EXT1: variants seen among roughly 807,000 people sequenced by gnomAD.
EXT1 encodes exostosin glycosyltransferase 1.
In EXT1, 20 loss-of-function variants were observed where a neutral mutation model predicts 82.5. The ratio of observed to expected loss-of-function variants is 0.24; its 90% CI spans 0.17 to 0.35. The LOEUF is 0.35. Among genes scored for constraint, EXT1 ranks in the 10% least tolerant of loss-of-function variants. EXT1 has a pLI of 1.00. For synonymous variants in EXT1, 348 were observed against 350.8 expected (o/e 0.99, Z 0.09); for missense variants, 757 against 936.5 (o/e 0.81, Z 2.50).
At chr8:118,071,227 T>C (rs1459899730) in intron 1 of EXT1, among the ~76,000 whole-genome samples, 1 of 152,172 alleles carries the variant, frequency 6.6e-6, no homozygotes, top group Non-Finnish European at 1.5e-5. Context: ...GAATAAATAA[T>C]TGAAGAATAA....
intron 1 of EXT1, among the ~76,000 whole-genome samples, chr8:118,010,367 G>A (rs1403667515): frequency 9.9e-5 from 12 of 121,510 alleles, no homozygotes; most frequent in Non-Finnish European, 8.0e-5. Flanking sequence ...GGGAGACTCC[G>A]TCTCAAAAAA....
intron 1 of EXT1, among the ~76,000 whole-genome samples, chr8:118,067,359 T>C (rs1817011167): frequency 6.6e-6 from 1 of 152,200 alleles, no homozygotes; most frequent in Admixed American, 6.5e-5. Context: ...TAGCTTGGAC[T>C]AGCTGAAGGA....
At chr8:117,926,182 A>G (rs1462914420) in intron 1 of EXT1, among the ~76,000 whole-genome samples, 2 of 152,230 alleles carry the variant, frequency 1.3e-5, no homozygotes, top group Non-Finnish European at 2.9e-5. Context: ...TCCCAATGCA[A>G]GTGTCATGGG....
intron 1 of EXT1, among the ~76,000 whole-genome samples, chr8:117,850,211 A>C (rs1237080394): frequency 1.3e-5 from 2 of 152,212 alleles, no homozygotes; most frequent in Non-Finnish European, 2.9e-5. Context: ...ATAAACTGTC[A>C]AGTAAAACTT....
intron 1 of EXT1, among the ~76,000 whole-genome samples, chr8:117,849,499 A>G (rs2097987741): frequency 6.6e-6 from 1 of 152,220 alleles, no homozygotes; most frequent in Admixed American, 6.5e-5. Flanking sequence ...ACTGCTGGCA[A>G]TGTTTGCAGG....
rs114348882 is a variant in EXT1 at position 117,828,625 on chromosome 8, G to T, written c.1284+1605C>A. Among the ~76,000 whole-genome samples the T allele has an allele frequency of 9.8e-3, 1,485 of 152,192 alleles. 26 individuals carry two copies. Among genetic ancestry groups the T allele is most frequent in the African/African-American group, 0.033 (1,351 of 41,518 alleles). The stretch of plus-strand genomic sequence containing the variant: ...GAGGACAGGATTAAAAAAGCAAAGG[G>T]TAACTCTATTAGCTACTGTGAACAG... On this transcript the variant is annotated intron_variant, in intron 4 of 10. Transcript: ENST00000378204.
At position 118,111,312 on chromosome 8, in the gene EXT1, G is replaced by C; in HGVS notation, c.-266C>G. 3.3e-6 allele frequency: 2 copies of C among 605,218 alleles called. No individual in the cohort carries two copies. Among genetic ancestry groups the C allele is most frequent in the Non-Finnish European group, 5.8e-6 (2 of 342,222 alleles). The allele number at this position is 605,218 out of a possible 1,614,324, so 37.5% of individuals were successfully genotyped here. ...GGGCTGAATATCTCGCACCCAGGGC[G>C]GGCGAGCAGCGGACTGTAATTTTCT... On this transcript the variant is annotated 5_prime_UTR_variant, in exon 1 of 11. Transcript: ENST00000378204.
chr8:118,067,103 G>A (rs546421215), intron 1 of EXT1, among the ~76,000 whole-genome samples: 64 of 152,292 alleles, frequency 4.2e-4, no homozygotes, highest in African/African-American at 1.5e-3. Context: ...CTGACTCTAG[G>A]TTTAGCCAGG....
chr8:118,022,951 C>T (rs191684586), intron 1 of EXT1, among the ~76,000 whole-genome samples: 242 of 152,148 alleles, frequency 1.6e-3, no homozygotes, highest in Non-Finnish European at 2.7e-3. Flanking sequence ...TATCAAAAGT[C>T]AAAAGTCAAA....
chr8:117,981,056 T>C (rs1197584493), intron 1 of EXT1, among the ~76,000 whole-genome samples: 1 of 152,226 alleles, frequency 6.6e-6, no homozygotes, highest in Non-Finnish European at 1.5e-5. Context: ...TATAAGCTTC[T>C]TGTGTAAAGA....
intron 1 of EXT1, among the ~76,000 whole-genome samples, chr8:118,069,354 C>T (rs1817046937): frequency 6.6e-6 from 1 of 152,158 alleles, no homozygotes; most frequent in South Asian, 2.1e-4. Context: ...TAGCACCCTC[C>T]CACAGTGCTC....
chr8:118,104,885 C>T (rs572086286), intron 1 of EXT1, among the ~76,000 whole-genome samples: 87 of 152,282 alleles, frequency 5.7e-4, no homozygotes, highest in South Asian at 2.7e-3. Flanking sequence ...AAGCCAATGA[C>T]CACTTTGTCT....
rs150368233 is a variant in EXT1 at position 117,872,351 on chromosome 8, A to T, written c.963-35150T>A. Among the ~76,000 whole-genome samples the T allele has an allele frequency of 5.8e-3, 877 of 152,256 alleles. 7 individuals carry two copies. The highest frequency in any genetic ancestry group is 9.8e-3 in the Non-Finnish European group (665 of 68,020). On this transcript the variant is annotated intron_variant, in intron 1 of 10. Transcript: ENST00000378204. ...CAAGAAAGCAGCCACAGCAGGTAAC[A>T]TTGTTTACTCAGACAATCAAGTTGT...
chr8:117,888,775 C>T (rs1421991783), intron 1 of EXT1, among the ~76,000 whole-genome samples: 1 of 152,134 alleles, frequency 6.6e-6, no homozygotes, highest in East Asian at 1.9e-4. Flanking sequence ...ATCTCCAGCC[C>T]CTGCTATCAT....
chr8:117,976,714 T>G (rs1471855626), intron 1 of EXT1, among the ~76,000 whole-genome samples: 3 of 152,244 alleles, frequency 2.0e-5, no homozygotes, highest in African/African-American at 7.2e-5. Context: ...TGGCATTTTA[T>G]GTAAGCTTAT....
intron 1 of EXT1, among the ~76,000 whole-genome samples, chr8:117,991,782 GA>G (rs58399597): frequency 0.019 from 2,932 of 152,164 alleles, 37 homozygotes; most frequent in Middle Eastern, 0.031. Context: ...GGCTGGTCTT[GA>G]ACTCCTGACC....
intron 1 of EXT1, among the ~76,000 whole-genome samples, chr8:117,845,679 C>T (rs1332951351): frequency 6.6e-6 from 1 of 152,058 alleles, no homozygotes; most frequent in Non-Finnish European, 1.5e-5. Context: ...AACTCCTGGC[C>T]TCAAGTGATC....
chr8:118,107,572 C>T (rs1817822570), intron 1 of EXT1, among the ~76,000 whole-genome samples: 1 of 152,192 alleles, frequency 6.6e-6, no homozygotes, highest in Non-Finnish European at 1.5e-5. Flanking sequence ...TCTCACATAT[C>T]TAAGGCCATC....
chr8:117,951,855 T>C (rs1291817234), intron 1 of EXT1, among the ~76,000 whole-genome samples: 1 of 152,196 alleles, frequency 6.6e-6, no homozygotes, highest in Non-Finnish European at 1.5e-5. Context: ...AAGAATAATA[T>C]GTGAAATTCA....
Sources: gnomAD v4.1 joint callset for allele counts (sites outside exome capture counted in the v4.1 genomes callset) on GRCh38, gnomAD v4.1.1 for gene constraint, MANE v1.5 for transcripts, NCBI Gene and HGNC (gene_info 2026-07-23, HGNC 2026-07-21) for gene names.